SV2B: variants seen among roughly 807,000 people sequenced by gnomAD.
SV2B encodes the protein solute carrier family 22 member B2.
Under a neutral mutation model 73.9 loss-of-function variants are expected in SV2B, and 41 were observed. The ratio of observed to expected loss-of-function variants is 0.56; its 90% CI spans 0.43 to 0.72. The LOEUF (loss-of-function observed/expected upper bound fraction) is 0.72, where lower values mean the gene tolerates loss of function less well. SV2B is among the 30% of genes least tolerant of loss of function. The pLI is 0.00. For missense variants in SV2B, 764 were observed against 857.8 expected, an observed-to-expected ratio of 0.89 and a Z score of 1.37; for synonymous variants, 314 against 314.2, an observed-to-expected ratio of 1.00 and a Z score of 0.01.
chr15:91,181,727 A>G (rs551903404), intron 1 of SV2B, among the ~76,000 whole-genome samples: 17 of 151,566 alleles, frequency 1.1e-4, no homozygotes, highest in Non-Finnish European at 1.9e-4. Flanking sequence ...AACCATCATG[A>G]GGCTGTCAAT....
In SV2B at chr15:91,253,015, G is replaced by A. The variant is rs1206341401; in HGVS notation, c.784+495G>A. Among the ~76,000 whole-genome samples the A allele has an allele frequency of 1.3e-5, 2 of 152,136 alleles. No homozygotes were observed. Among genetic ancestry groups the A allele is most frequent in the Non-Finnish European group, 2.9e-5 (2 of 68,018 alleles). Reference sequence around the variant, plus strand: ...AGGCTTGTACTCTTTCTGCCCTGGTGCCTGCTGTCACTCTTGTTTGGCCGT... The same window carrying A: ...AGGCTTGTACTCTTTCTGCCCTGGTACCTGCTGTCACTCTTGTTTGGCCGT... On this transcript the variant is annotated intron_variant, in intron 4 of 12. Transcript: ENST00000394232. This position sits in a 1 kb window ranked among gnomAD's most constrained non-coding sequence, Gnocchi z 5.0.
chr15:91,273,532 T>TA lies in SV2B; in HGVS notation c.1373+4929dup. The stretch of plus-strand genomic sequence containing the variant: ...ATGTGCACATGTTGTAGCAAATAAA[T>TA]AAGACCCCTGTTGAGTTTTGGATAT... On this transcript the variant is annotated intron_variant, in intron 9 of 12. Coordinates refer to ENST00000394232, the MANE Select transcript of SV2B (RefSeq NM_001323032.3). Among the ~76,000 whole-genome samples, 3 of 152,292 alleles carry TA rather than the reference T, an allele frequency of 2.0e-5. No individual in the cohort carries two copies. In the South Asian group the frequency reaches 6.2e-4, roughly 32 times the overall value.
At chr15:91,111,913 A>T (rs575755567) in intron 1 of SV2B, among the ~76,000 whole-genome samples, 1 of 152,204 alleles carries the variant, frequency 6.6e-6, no homozygotes, top group Non-Finnish European at 1.5e-5. Context: ...AGATCTCATG[A>T]GAACTCACTC....
chr15:91,269,877 C>T (rs1219202928), intron 9 of SV2B, among the ~76,000 whole-genome samples: 1 of 152,188 alleles, frequency 6.6e-6, no homozygotes, highest in Non-Finnish European at 1.5e-5. Context: ...CATCTCCATA[C>T]TCATATACCC....
In SV2B at chr15:91,297,604, T is replaced by A. The variant is rs965296744; in HGVS notation, c.*5052T>A. The A allele has an allele frequency of 7.2e-5, 11 of 152,180 alleles. No homozygotes were observed. The highest frequency in any genetic ancestry group is 2.4e-4 in the African/African-American group (10 of 41,432). The allele number at this position is 152,180 out of a possible 1,614,324, so 9.4% of individuals were successfully genotyped here. ...ATGGCATCAATTCTCAAGCCATATTTTGAGTAGCACTGACACTCTTCCAAT... is the reference window on the plus strand; with the variant it reads ...ATGGCATCAATTCTCAAGCCATATTATGAGTAGCACTGACACTCTTCCAAT... On this transcript the variant is annotated 3_prime_UTR_variant, in exon 13 of 13. Coordinates refer to ENST00000394232, the MANE Select transcript of SV2B (RefSeq NM_001323032.3). This position sits in a 1 kb window ranked among gnomAD's most constrained non-coding sequence, Gnocchi z 5.1.
intron 1 of SV2B, among the ~76,000 whole-genome samples, chr15:91,216,485 T>G (rs2046030042): frequency 6.6e-6 from 1 of 151,946 alleles, no homozygotes; most frequent in South Asian, 2.1e-4. Flanking sequence ...TGTTTTTTTG[T>G]TTTTTGAGAT....
intron 1 of SV2B, among the ~76,000 whole-genome samples, chr15:91,111,897 G>A (rs1007360726): frequency 6.6e-6 from 1 of 151,998 alleles, no homozygotes; most frequent in East Asian, 1.9e-4. Context: ...ATATTTTTAA[G>A]TGATTAGATC....
At position 91,115,191 on chromosome 15, in the gene SV2B, A is replaced by G. The variant is rs2151735082; in HGVS notation, c.-392+14828A>G. On this transcript the variant is annotated intron_variant, in intron 1 of 12. Transcript: ENST00000394232. The surrounding 1 kb of genome is among the most constrained non-coding windows in gnomAD (Gnocchi z 4.3). ...GCTGAAATAAAGATTACAAAGTGCT[A>G]CCTTTAAAGGAAAATTGGAGAGTTG... Among the ~76,000 whole-genome samples the G allele has an allele frequency of 6.6e-6, 1 of 152,254 alleles. No individual in the cohort carries two copies. The highest frequency in any genetic ancestry group is 6.5e-5 in the Admixed American group (1 of 15,296).
At chr15:91,247,856 G>A (rs1459570986) in intron 2 of SV2B, among the ~76,000 whole-genome samples, 2 of 152,182 alleles carry the variant, frequency 1.3e-5, no homozygotes, top group Non-Finnish European at 2.9e-5. Context: ...GGGTGGCTTT[G>A]GAGCTGAGGG....
chr15:91,272,018 A>G (rs2048333658), intron 9 of SV2B, among the ~76,000 whole-genome samples: 1 of 152,234 alleles, frequency 6.6e-6, no homozygotes, highest in Non-Finnish European at 1.5e-5. Flanking sequence ...AGGAAATTCT[A>G]TTGAAACCTC....
At position 91,239,424 on chromosome 15, in the gene SV2B, A is replaced by G. The variant is rs1386503449; in HGVS notation, c.452-12395A>G. Among the ~76,000 whole-genome samples the G allele has an allele frequency of 2.6e-5, 4 of 152,140 alleles. No homozygotes were observed. The highest frequency in any genetic ancestry group is 5.9e-5 in the Non-Finnish European group (4 of 68,032). On this transcript the variant is annotated intron_variant, in intron 2 of 12. Coordinates refer to ENST00000394232, the MANE Select transcript of SV2B (RefSeq NM_001323032.3). The surrounding 1 kb of genome is among the most constrained non-coding windows in gnomAD (Gnocchi z 5.1). ...ATAAGGTATAAGGCATGAATTACAA[A>G]GTTATAGTACCATCTAATATTAGAA...
At position 91,258,551 on chromosome 15, in the gene SV2B, A is replaced by G. The variant is rs779785586; in HGVS notation, c.915A>G (p.Leu305=). ...KFMPESPRFL[L]EMGKHDEAWM... Reference sequence around the variant, plus strand: ...TGCCAGAGAGCCCAAGGTTTCTGCTAGAGGTGAGTCAGTGCTTTTCCACCA... The same window carrying G: ...TGCCAGAGAGCCCAAGGTTTCTGCTGGAGGTGAGTCAGTGCTTTTCCACCA... Residue 305 remains leucine (L), a synonymous_variant, in exon 5 of 13, where the codon CTA becomes CTG. Coordinates refer to ENST00000394232, the MANE Select transcript of SV2B (RefSeq NM_001323032.3). This position sits in a 1 kb window ranked among gnomAD's most constrained non-coding sequence, Gnocchi z 4.7. 6 of 1,613,866 alleles carry G rather than the reference A, an allele frequency of 3.7e-6. No individual in the cohort carries two copies. Among genetic ancestry groups the G allele is most frequent in the Non-Finnish European group, 5.1e-6 (6 of 1,179,920 alleles).
At chr15:91,154,282 G>A (rs1567296517) in intron 1 of SV2B, among the ~76,000 whole-genome samples, 1 of 152,022 alleles carries the variant, frequency 6.6e-6, no homozygotes, top group Non-Finnish European at 1.5e-5. Context: ...CTATTTGGAT[G>A]TCATGCATTC....
rs1489885589 is a variant in SV2B, at chr15:91,242,457, G to C, written c.452-9362G>C. On this transcript the variant is annotated intron_variant, in intron 2 of 12. Coordinates refer to ENST00000394232, the MANE Select transcript of SV2B (RefSeq NM_001323032.3). The surrounding 1 kb of genome is among the most constrained non-coding windows in gnomAD (Gnocchi z 4.9). ...TCATTCACTTGAAATACATGTGGTG[G>C]CCTGCTAACTGATCTTTACGATTCC... 6.6e-6 allele frequency among the ~76,000 whole-genome samples: 1 copy of C among 152,174 alleles called. No individual in the cohort carries two copies. Among genetic ancestry groups the C allele is most frequent in the African/African-American group, 2.4e-5 (1 of 41,420 alleles).
At chr15:91,176,904 C>G (rs1384204309) in intron 1 of SV2B, among the ~76,000 whole-genome samples, 2 of 152,134 alleles carry the variant, frequency 1.3e-5, no homozygotes, top group African/African-American at 2.4e-5. Flanking sequence ...AATTAGATCC[C>G]ATTTGTCGAT....
chr15:91,272,111 G>C (rs529691535), intron 9 of SV2B, among the ~76,000 whole-genome samples: 1 of 152,288 alleles, frequency 6.6e-6, no homozygotes, highest in South Asian at 2.1e-4. Flanking sequence ...TGCTCCCAAA[G>C]CATCATCTGC....
intron 1 of SV2B, among the ~76,000 whole-genome samples, chr15:91,170,511 C>T (rs1290673564): frequency 2.6e-5 from 4 of 152,204 alleles, no homozygotes; most frequent in Non-Finnish European, 2.9e-5. Flanking sequence ...TGGTCTTGAA[C>T]TCCTGACCTC....
intron 1 of SV2B, among the ~76,000 whole-genome samples, chr15:91,210,866 T>G (rs7171800): frequency 0.13 from 20,322 of 152,186 alleles, 3,386 homozygotes; most frequent in African/African-American, 0.39. Context: ...TTAGGCTTAT[T>G]AAAATATCTG....
At chr15:91,207,039 T>A (rs150027562) in intron 1 of SV2B, among the ~76,000 whole-genome samples, 79 of 152,176 alleles carry the variant, frequency 5.2e-4, no homozygotes, top group African/African-American at 1.5e-3. Context: ...CAATTTCCTT[T>A]AAAAAAATTT....
Sources: allele counts gnomAD v4.1 joint callset (sites outside exome capture counted in the v4.1 genomes callset), GRCh38; gene constraint gnomAD v4.1.1; non-coding constraint Gnocchi (gnomAD v3.1); transcripts MANE v1.5; gene names NCBI Gene and HGNC (gene_info 2026-07-23, HGNC 2026-07-21).